The following OLFM3 variants were observed in gnomAD, a reference collection of about 807,000 sequenced individuals.
The protein encoded by OLFM3 is noelin-3.
OLFM3 carries 20 observed loss-of-function variants against 48.6 expected under a neutral mutation model. That is an observed-to-expected ratio of 0.41 (90% confidence interval 0.29 to 0.60). The LOEUF (loss-of-function observed/expected upper bound fraction) is 0.60, where lower values mean the gene tolerates loss of function less well. Ranked by LOEUF, OLFM3 falls within the 20% of genes least tolerant of loss-of-function variation. OLFM3 has a pLI of 0.28. For missense variants in OLFM3, 437 were observed against 544.3 expected (o/e 0.80, Z 1.96); for synonymous variants, 222 against 198.1 (o/e 1.12, Z -1.01).
chr1:101,863,789 T>C (rs1656751426), intron 1 of OLFM3, among the ~76,000 whole-genome samples: 1 of 152,230 alleles, frequency 6.6e-6, no homozygotes, highest in African/African-American at 2.4e-5. Context: ...GAAGTTCCAT[T>C]GCAGAAGACA....
At chr1:101,881,465 C>T (rs570945332) in intron 1 of OLFM3, among the ~76,000 whole-genome samples, 1 of 151,812 alleles carries the variant, frequency 6.6e-6, no homozygotes, top group Non-Finnish European at 1.5e-5. Flanking sequence ...AAAAGCATTG[C>T]CAGTTCAGTC....
At chr1:101,839,814 C>T (rs972563753) in intron 1 of OLFM3, among the ~76,000 whole-genome samples, 2 of 152,154 alleles carry the variant, frequency 1.3e-5, no homozygotes, top group African/African-American at 4.8e-5. Flanking sequence ...CTAAAGACTC[C>T]AGACTTGTTT....
At chr1:101,814,319 A>G (rs886659571) in intron 4 of OLFM3, among the ~76,000 whole-genome samples, 2 of 151,944 alleles carry the variant, frequency 1.3e-5, no homozygotes, top group Admixed American at 1.3e-4. Context: ...AGTTAACAAT[A>G]ATGAGAAAGC....
intron 3 of OLFM3, among the ~76,000 whole-genome samples, chr1:101,828,902 T>C (rs1457016981): frequency 1.3e-5 from 2 of 152,174 alleles, no homozygotes; most frequent in Non-Finnish European, 2.9e-5. Flanking sequence ...GAATTGAAAA[T>C]TGACATAGTA....
intron 1 of OLFM3, among the ~76,000 whole-genome samples, chr1:101,884,974 T>C (rs1246095247): frequency 2.6e-5 from 4 of 151,948 alleles, no homozygotes; most frequent in African/African-American, 9.7e-5. Flanking sequence ...ATGGGAAGTA[T>C]TTTCAATGCT....
chr1:101,806,865 G>A (rs183223763), intron 4 of OLFM3, among the ~76,000 whole-genome samples: 5 of 151,756 alleles, frequency 3.3e-5, no homozygotes, highest in South Asian at 2.1e-4. Flanking sequence ...GATGTAATAC[G>A]TGACAAAAAG....
Position 101,830,767 on chromosome 1 carries a change from AT to A in OLFM3, c.276del (p.Gln92HisfsTer4). The A allele has an allele frequency of 1.2e-6, 2 of 1,614,088 alleles. No individual in the cohort carries two copies. The highest frequency in any genetic ancestry group is 1.7e-6 in the Non-Finnish European group (2 of 1,179,940). On this transcript the variant is annotated frameshift_variant, in exon 3 of 6. Transcript: ENST00000370103. LOFTEE classifies it high-confidence loss of function. The part of the protein sequence containing the change: ...VLNLRTQRDF[Q>X]YVLKMETQMK... Reference sequence around the variant, plus strand: ...ATTTGGGTTTCCATTTTTAAAACATATTGGAAATCTCTCTGAGTTCTCAAGT... The same window carrying A: ...ATTTGGGTTTCCATTTTTAAAACATATGGAAATCTCTCTGAGTTCTCAAGT...
chr1:101,835,928 C>G (rs546713604), intron 2 of OLFM3, among the ~76,000 whole-genome samples: 1 of 152,256 alleles, frequency 6.6e-6, no homozygotes, highest in East Asian at 1.9e-4. Flanking sequence ...CCATGGCAGC[C>G]TGAAATTGTG....
At chr1:101,932,796 T>G (rs1480825524) in intron 1 of OLFM3, among the ~76,000 whole-genome samples, 37 of 152,138 alleles carry the variant, frequency 2.4e-4, no homozygotes, top group Admixed American at 2.4e-3. Flanking sequence ...CAGCAATGGT[T>G]CTTAATATGG....
rs369933142 is a variant in OLFM3, at chr1:101,836,103, C to A, written c.216+776G>T. On this transcript the variant is annotated intron_variant, in intron 2 of 5. Transcript: ENST00000370103. The stretch of plus-strand genomic sequence containing the variant: ...ATGATGTCCTCTAGAACACATACTA[C>A]CTAATTTATCTTATTATTCCTAATG... Among the ~76,000 whole-genome samples, 112 of 152,260 alleles carry A rather than the reference C, an allele frequency of 7.4e-4. 1 individual carries two copies. In the South Asian group the frequency reaches 0.023, roughly 31 times the overall value.
intron 1 of OLFM3, among the ~76,000 whole-genome samples, chr1:101,842,412 T>C (rs1655770079): frequency 6.6e-6 from 1 of 151,896 alleles, no homozygotes; most frequent in Admixed American, 6.6e-5. Context: ...TAGCCTATAG[T>C]CCCAGCTACT....
chr1:101,914,814 A>G (rs1419306634), intron 1 of OLFM3, among the ~76,000 whole-genome samples: 1 of 152,226 alleles, frequency 6.6e-6, no homozygotes, highest in Non-Finnish European at 1.5e-5. Flanking sequence ...GAAGTTAAAT[A>G]CATGCATACT....
At chr1:101,958,506 C>T (rs1660367258) in intron 1 of OLFM3, among the ~76,000 whole-genome samples, 2 of 151,920 alleles carry the variant, frequency 1.3e-5, no homozygotes, top group Admixed American at 1.3e-4. Context: ...TCTACAATAC[C>T]ACATTGTAGA....
chr1:101,932,158 A>G (rs1342735400), intron 1 of OLFM3, among the ~76,000 whole-genome samples: 4 of 152,102 alleles, frequency 2.6e-5, no homozygotes, highest in Non-Finnish European at 5.9e-5. Context: ...GTATTGACTA[A>G]TTGACTAGTT....
At chr1:101,829,022 C>G (rs1655018352) in intron 3 of OLFM3, among the ~76,000 whole-genome samples, 1 of 152,130 alleles carries the variant, frequency 6.6e-6, no homozygotes, top group South Asian at 2.1e-4. Flanking sequence ...AATTTCTCCT[C>G]CCTTTGTGCT....
rs1229438468 is a variant in OLFM3, at chr1:101,834,469, C to T, written c.216+2410G>A. ...GTGAAGGAGGTGCTTAAAGGTCATG[C>T]TCTTGTTTGCCCTTTGGTGCCTTGG... On this transcript the variant is annotated intron_variant, in intron 2 of 5. Transcript: ENST00000370103. Among the ~76,000 whole-genome samples, 36 of 152,142 alleles carry T rather than the reference C, an allele frequency of 2.4e-4. 1 individual carries two copies. The highest frequency in any genetic ancestry group is 2.4e-3 in the Admixed American group (36 of 15,274).
chr1:101,983,974 A>G (rs980492069), intron 1 of OLFM3, among the ~76,000 whole-genome samples: 4 of 152,188 alleles, frequency 2.6e-5, no homozygotes, highest in Admixed American at 6.5e-5. Flanking sequence ...AATCACGGGT[A>G]GCCTGCGGCT....
intron 1 of OLFM3, among the ~76,000 whole-genome samples, chr1:101,940,685 T>C (rs1659765655): frequency 1.3e-5 from 2 of 150,490 alleles, no homozygotes; most frequent in South Asian, 4.2e-4. Context: ...CCCAGCTATA[T>C]ATATATATCC....
At chr1:101,823,404 T>C (rs1049137813) in intron 4 of OLFM3, among the ~76,000 whole-genome samples, 3 of 151,954 alleles carry the variant, frequency 2.0e-5, no homozygotes, top group African/African-American at 7.2e-5. Flanking sequence ...TGAAAGTGCG[T>C]TGATGGAGGC....
Sources: allele counts gnomAD v4.1 joint callset (sites outside exome capture counted in the v4.1 genomes callset), GRCh38; gene constraint gnomAD v4.1.1; transcripts MANE v1.5; gene names NCBI Gene and HGNC (gene_info 2026-07-23, HGNC 2026-07-21).